TFAP2B: variants seen among roughly 807,000 people sequenced by gnomAD.
TFAP2B encodes the protein transcription factor AP-2-beta.
Under a neutral mutation model 44.3 loss-of-function variants are expected in TFAP2B, and 9 were observed. That is an observed-to-expected ratio of 0.20 (90% CI 0.12 to 0.35). The LOEUF (loss-of-function observed/expected upper bound fraction) is 0.35. Ranked by LOEUF, TFAP2B falls within the 10% of genes least tolerant of loss-of-function variation. TFAP2B has a pLI of 1.00. For synonymous variants in TFAP2B, 270 were observed against 263.8 expected, an observed-to-expected ratio of 1.02 and a Z score of -0.23; for missense variants, 509 against 600.0, an observed-to-expected ratio of 0.85 and a Z score of 1.59.
upstream of TFAP2B, chr6:50,818,689 G>A (rs966219988): frequency 1.7e-6 from 1 of 589,600 alleles, no homozygotes; most frequent in Non-Finnish European, 3.0e-6. Flanking sequence ...ATATGTCTGT[G>A]GGTTGCATCT....
In TFAP2B at chr6:50,843,270, C is replaced by T. The variant is rs757779913; in HGVS notation, c.1261C>T (p.Leu421Phe). 1.9e-6 allele frequency: 3 copies of T among 1,614,084 alleles called. No homozygotes were observed. The highest frequency in any genetic ancestry group is 2.2e-5 in the South Asian group (2 of 91,090). ...CAALTALQNYLTEALKGMDKM... is the reference protein window; with the variant it reads ...CAALTALQNYFTEALKGMDKM... ...CGCGCTCACGGCCCTGCAGAACTAT[C>T]TCACCGAGGCGCTCAAAGGCATGGA... is the stretch of plus-strand genomic sequence containing the variant. Residue 421 changes from leucine (L) to phenylalanine (F), a missense_variant, in exon 7 of 7, where the codon CTC (leucine) becomes TTC (phenylalanine). This residue lies in a region of TFAP2B where 168 missense variants were observed against 183.2 expected (regional missense o/e 0.92). Coordinates refer to ENST00000393655, the MANE Select transcript of TFAP2B (RefSeq NM_003221.4).
intron 2 of TFAP2B, 54 bp downstream of exon 2, chr6:50,823,919 T>C: frequency 6.6e-7 from 1 of 1,525,572 alleles, no homozygotes; most frequent in Non-Finnish European, 8.8e-7. Flanking sequence ...TAAGGAATGC[T>C]TCTGGAGGGG....
At position 50,823,769 on chromosome 6, in the gene TFAP2B, C is replaced by T. The variant is rs13216733; in HGVS notation, c.444C>T (p.Asp148=). The change falls in exon 2 of 7, where the codon GAC becomes GAT. Residue 148 remains aspartate (D), a synonymous_variant. Transcript: ENST00000393655. ...ACTACCACTCGGTCCGCCGGCCGGA[C>T]GTGCTGCTGCATTCGGCGCACCACG... ...RRDYHSVRRP[D]VLLHSAHHGL... is the part of the protein sequence containing the mutation. 3 of 1,598,460 alleles carry T rather than the reference C, an allele frequency of 1.9e-6. No homozygotes were observed. The highest frequency in any genetic ancestry group is 2.3e-5 in the East Asian group (1 of 44,108).
At chr6:50,835,565 G>C (rs563102379) in intron 3 of TFAP2B, among the ~76,000 whole-genome samples, 1 of 152,286 alleles carries the variant, frequency 6.6e-6, no homozygotes, top group South Asian at 2.1e-4. Context: ...GGGTCCAATA[G>C]GAAAGGAGGA....
intron 2 of TFAP2B, among the ~76,000 whole-genome samples, chr6:50,825,098 G>A (rs1024878674): frequency 6.6e-6 from 1 of 152,092 alleles, no homozygotes; most frequent in African/African-American, 2.4e-5. Flanking sequence ...TCTGTGTGTG[G>A]TCTATGATTG....
At chr6:50,830,260 T>C in intron 3 of TFAP2B, 1 of 980,426 alleles carries the variant, frequency 1.0e-6, no homozygotes, top group Non-Finnish European at 1.2e-6. Flanking sequence ...CAGGGGAACA[T>C]GCCCAACAGA....
At chr6:50,819,835 CCGAGGCGGG>C (rs1296950038) in intron 1 of TFAP2B, among the ~76,000 whole-genome samples, 1 of 151,316 alleles carries the variant, frequency 6.6e-6, no homozygotes. Context: ...GACGAGGCGG[CCGAGGCGGG>C]CGAGGTGGGA....
Position 50,822,415 on chromosome 6 carries a change from C to T in TFAP2B, c.82-992C>T, listed in dbSNP as rs78477322. ...GCCGAAAAGAAAAACTTTTTATTTGCCATTGCTGTTTGGAAATTTAGGTGA... is the reference window on the plus strand; with the variant it reads ...GCCGAAAAGAAAAACTTTTTATTTGTCATTGCTGTTTGGAAATTTAGGTGA... On this transcript the variant is annotated intron_variant, in intron 1 of 6. Coordinates refer to ENST00000393655, the MANE Select transcript of TFAP2B (RefSeq NM_003221.4). Among the ~76,000 whole-genome samples, 1,133 of 152,224 alleles carry T rather than the reference C, an allele frequency of 7.4e-3. 18 individuals are homozygous for T. The highest frequency in any genetic ancestry group is 0.025 in the African/African-American group (1,034 of 41,516).
At chr6:50,835,547 A>G (rs983646599) in intron 3 of TFAP2B, among the ~76,000 whole-genome samples, 1 of 152,200 alleles carries the variant, frequency 6.6e-6, no homozygotes, top group African/African-American at 2.4e-5. Context: ...AGTGATGACC[A>G]TAGATCTGGG....
At chr6:50,829,695 C>A (rs1004995653) in intron 3 of TFAP2B, among the ~76,000 whole-genome samples, 19 of 152,128 alleles carry the variant, frequency 1.2e-4, no homozygotes, top group African/African-American at 4.6e-4. Context: ...TCAACAAAAA[C>A]AATTAAAAGA....
intron 2 of TFAP2B, 29 bp downstream of exon 2, chr6:50,823,894 A>G: frequency 6.5e-7 from 1 of 1,534,516 alleles, no homozygotes; most frequent in Non-Finnish European, 8.7e-7. Flanking sequence ...ACAAACAAAC[A>G]AAAAAGACCA....
At chr6:50,823,221 A>T (rs148304777) in intron 1 of TFAP2B, among the ~76,000 whole-genome samples, 186 bp from the exon 2 acceptor site, 63 of 152,204 alleles carry the variant, frequency 4.1e-4, no homozygotes, top group African/African-American at 1.4e-3. Context: ...CTCTGAGTCA[A>T]CTTGGGGGTC....
At chr6:50,831,817 TA>T (rs1762502570) in intron 3 of TFAP2B, among the ~76,000 whole-genome samples, 1 of 152,036 alleles carries the variant, frequency 6.6e-6, no homozygotes, top group South Asian at 2.1e-4. Flanking sequence ...CAGCAGAAAA[TA>T]TTCTGGGATT....
chr6:50,821,976 T>TA (rs148760475), intron 1 of TFAP2B: 1 of 281,936 alleles, frequency 3.5e-6, no homozygotes, highest in South Asian at 2.5e-5. Flanking sequence ...CTTGTTGGGG[T>TA]GGGGGGCGGG....
chr6:50,820,197 G>A (rs1200165934), intron 1 of TFAP2B, among the ~76,000 whole-genome samples: 1 of 152,230 alleles, frequency 6.6e-6, no homozygotes, highest in East Asian at 1.9e-4. Flanking sequence ...ACGAAAGGTG[G>A]AGGGATGCAG....
At chr6:50,835,177 GGTTT>G (rs543024647) in intron 3 of TFAP2B, among the ~76,000 whole-genome samples, 6 of 152,184 alleles carry the variant, frequency 3.9e-5, no homozygotes, top group Non-Finnish European at 8.8e-5. Flanking sequence ...CCTTGAGTGC[GGTTT>G]GTTATCAATT....
intron 2 of TFAP2B, among the ~76,000 whole-genome samples, chr6:50,827,631 G>A (rs960475312): frequency 6.6e-6 from 1 of 152,188 alleles, no homozygotes; most frequent in African/African-American, 2.4e-5. Flanking sequence ...TAACAATTTG[G>A]TCCCAACTTA....
chr6:50,829,029 A>G (rs1770602538), intron 3 of TFAP2B, among the ~76,000 whole-genome samples: 1 of 152,262 alleles, frequency 6.6e-6, no homozygotes, highest in Non-Finnish European at 1.5e-5. Flanking sequence ...AATTATTTCA[A>G]TGATAACTGG....
intron 3 of TFAP2B, among the ~76,000 whole-genome samples, chr6:50,831,210 T>C (rs750429343): frequency 1.3e-5 from 2 of 152,230 alleles, no homozygotes; most frequent in Non-Finnish European, 2.9e-5. Context: ...AGCTGACATT[T>C]CTGAAGTAAT....
Sources: allele counts gnomAD v4.1 joint callset (sites outside exome capture counted in the v4.1 genomes callset), GRCh38; gene constraint gnomAD v4.1.1; regional missense constraint gnomAD v4.1.1; transcripts MANE v1.5; gene names NCBI Gene and HGNC (gene_info 2026-07-23, HGNC 2026-07-21).